The following RAP1GAP2 variants were observed in gnomAD, a reference collection of about 807,000 sequenced individuals.
The protein encoded by RAP1GAP2 is RAP1 GTPase activating protein 2.
Under a neutral mutation model 95.0 loss-of-function variants are expected in RAP1GAP2, and 27 were observed. The ratio of observed to expected loss-of-function variants is 0.28; its 90% CI spans 0.21 to 0.39. RAP1GAP2 has a LOEUF of 0.39. Among genes scored for constraint, RAP1GAP2 ranks in the 10% least tolerant of loss-of-function variants. The probability of loss-of-function intolerance (pLI) is 1.00; values close to 1 mark genes in which losing one functional copy is unlikely to be tolerated. For synonymous variants in RAP1GAP2, 373 were observed against 380.9 expected, an observed-to-expected ratio of 0.98 and a Z score of 0.24; for missense variants, 771 against 970.0, an observed-to-expected ratio of 0.79 and a Z score of 2.72.
Position 3,035,347 on chromosome 17 carries a change from C to T in RAP1GAP2, c.*1986C>T, listed in dbSNP as rs72824845. On this transcript the variant is annotated 3_prime_UTR_variant, in exon 25 of 25. Transcript: ENST00000254695. This position sits in a 1 kb window ranked among gnomAD's most constrained non-coding sequence, Gnocchi z 4.3. ...GATCTGGCTCGCCTCTGTGGGAAGCCGGCATTACAGGTGCTTGGTGGATGG... is the reference window on the plus strand; with the variant it reads ...GATCTGGCTCGCCTCTGTGGGAAGCTGGCATTACAGGTGCTTGGTGGATGG... 0.025 allele frequency: 3,760 copies of T among 152,244 alleles called. 73 individuals are homozygous for T. Among genetic ancestry groups the T allele is most frequent in the Non-Finnish European group, 0.039 (2,665 of 68,048 alleles). 9.4% of individuals were successfully genotyped at this position (152,244 alleles called of 1,614,324 possible).
intron 2 of RAP1GAP2, among the ~76,000 whole-genome samples, chr17:2,831,279 A>G (rs1303086451): frequency 6.7e-6 from 1 of 149,824 alleles, no homozygotes; most frequent in Non-Finnish European, 1.5e-5. Context: ...ATTTCACTAC[A>G]TTGGCCAGGC....
At chr17:2,846,757 G>A (rs2071605794) in intron 2 of RAP1GAP2, among the ~76,000 whole-genome samples, 1 of 152,128 alleles carries the variant, frequency 6.6e-6, no homozygotes, top group Non-Finnish European at 1.5e-5. Flanking sequence ...CGCATGCATA[G>A]TAAAAGCTGG....
intron 2 of RAP1GAP2, chr17:2,770,530 C>T (rs2068369862): frequency 2.5e-6 from 1 of 397,912 alleles, no homozygotes; most frequent in South Asian, 1.3e-4. Flanking sequence ...GAGCTCCGCA[C>T]TGGTCCACAA....
intron 10 of RAP1GAP2, among the ~76,000 whole-genome samples, chr17:2,983,626 A>G (rs576209670): frequency 6.6e-5 from 10 of 152,230 alleles, no homozygotes; most frequent in Non-Finnish European, 1.3e-4. Context: ...GATAATTTAA[A>G]ATAGCTTTAA....
chr17:2,937,073 C>G (rs151338196), intron 3 of RAP1GAP2, among the ~76,000 whole-genome samples: 4 of 152,094 alleles, frequency 2.6e-5, no homozygotes, highest in African/African-American at 7.2e-5. Context: ...ATGTGTAGGA[C>G]GGGAGTACCA....
At chr17:2,776,298 G>C (rs1031350538), upstream of RAP1GAP2, among the ~76,000 whole-genome samples, 1 of 152,216 alleles carries the variant, frequency 6.6e-6, no homozygotes, top group East Asian at 1.9e-4. Flanking sequence ...CAGAGCTAGA[G>C]GGAGCCCCAG....
In RAP1GAP2 at chr17:2,903,660, A is replaced by C. The variant is rs2042097741; in HGVS notation, c.81-1624A>C. Among the ~76,000 whole-genome samples the C allele has an allele frequency of 6.6e-6, 1 of 152,208 alleles. No homozygotes were observed. ...GGAAGGGAGATGGGGAGCAGGAGAC[A>C]GGGATTGCCAGGTTCAGGTTAATGG... On this transcript the variant is annotated intron_variant, in intron 2 of 24. Coordinates refer to ENST00000254695, the MANE Select transcript of RAP1GAP2 (RefSeq NM_015085.5). This position sits in a 1 kb window ranked among gnomAD's most constrained non-coding sequence, Gnocchi z 4.1.
rs542898177 is a variant in RAP1GAP2, at chr17:2,978,561, A to G, written c.597-1726A>G. On this transcript the variant is annotated intron_variant, in intron 8 of 24. Coordinates refer to ENST00000254695, the MANE Select transcript of RAP1GAP2 (RefSeq NM_015085.5). ...TTATTTCTGGAATTTTCCATGTAAT[A>G]TTTTTTTGGCCGTGGTTGACTGCAG... Among the ~76,000 whole-genome samples the G allele has an allele frequency of 6.6e-5, 10 of 152,272 alleles. No individual in the cohort carries two copies. The South Asian group carries it at 1.5e-3, about 22-fold the overall frequency.
chr17:2,755,745 A>G, exon 1 of RAP1GAP2: 1 of 351,154 alleles, frequency 2.8e-6, no homozygotes, highest in Middle Eastern at 7.5e-4. Context: ...GCCGGGGGAG[A>G]AGCGCTGGCA....
chr17:2,943,114 A>T (rs2043566972), intron 3 of RAP1GAP2, among the ~76,000 whole-genome samples: 1 of 151,828 alleles, frequency 6.6e-6, no homozygotes, highest in Non-Finnish European at 1.5e-5. Context: ...CCCTTTAAGC[A>T]GTTACTCCCC....
chr17:2,824,624 T>C (rs1289411021), intron 2 of RAP1GAP2, among the ~76,000 whole-genome samples: 28 of 136,812 alleles, frequency 2.0e-4, no homozygotes, highest in African/African-American at 7.2e-4. Context: ...CCTGTAATCC[T>C]AGCTACTCGG....
chr17:3,009,470 A>C (rs904861252), intron 17 of RAP1GAP2, among the ~76,000 whole-genome samples: 12 of 152,194 alleles, frequency 7.9e-5, no homozygotes, highest in Admixed American at 7.9e-4. Context: ...AAGAGACAGA[A>C]TCATTTGTGG....
chr17:2,836,037 G>C (rs1382996464), intron 2 of RAP1GAP2, among the ~76,000 whole-genome samples: 1 of 151,908 alleles, frequency 6.6e-6, no homozygotes, highest in African/African-American at 2.4e-5. Context: ...GGCACTGGCG[G>C]GGTGTGTTGG....
upstream of RAP1GAP2, among the ~76,000 whole-genome samples, chr17:2,776,468 G>T (rs1429545366): frequency 3.3e-5 from 5 of 152,116 alleles, no homozygotes; most frequent in Admixed American, 1.3e-4. Flanking sequence ...CCGCGCCTTT[G>T]TTCCGGAGGA....
intron 8 of RAP1GAP2, among the ~76,000 whole-genome samples, chr17:2,979,474 T>C (rs1417933116): frequency 7.0e-6 from 1 of 143,880 alleles, no homozygotes; most frequent in African/African-American, 2.6e-5. Flanking sequence ...TTTTTTTTTT[T>C]TTTTTTTTTT....
At chr17:2,961,213 A>C (rs976465976) in intron 4 of RAP1GAP2, among the ~76,000 whole-genome samples, 1 of 130,892 alleles carries the variant, frequency 7.6e-6, no homozygotes, top group African/African-American at 3.1e-5. Flanking sequence ...ATGAAACTCC[A>C]TCTCAAAAAA....
Position 2,889,670 on chromosome 17 carries a change from T to C in RAP1GAP2, c.81-15614T>C, listed in dbSNP as rs182819450. Among the ~76,000 whole-genome samples the C allele has an allele frequency of 4.2e-3, 599 of 142,932 alleles. 2 individuals are homozygous for C. The highest frequency in any genetic ancestry group is 6.6e-3 in the Non-Finnish European group (440 of 66,404). The allele number at this position is 142,932 out of a possible 152,430, so 93.8% of individuals were successfully genotyped here. A position where few individuals can be genotyped will look rare whatever the true frequency, so the allele number is the denominator to read the frequency against. On this transcript the variant is annotated intron_variant, in intron 2 of 24. Transcript: ENST00000254695. ...GGGAGGAGGCAGGAGGTTTGATCGA[T>C]CTGCGCTGGATTTTTTTTTTTTTTT...
chr17:2,950,699 C>A (rs1348186117), intron 3 of RAP1GAP2, among the ~76,000 whole-genome samples: 3 of 150,306 alleles, frequency 2.0e-5, no homozygotes, highest in African/African-American at 7.4e-5. Flanking sequence ...CAACCTCTGC[C>A]TCCAAGGCTC....
At chr17:2,876,045 C>G (rs558882646) in intron 2 of RAP1GAP2, among the ~76,000 whole-genome samples, 1 of 151,804 alleles carries the variant, frequency 6.6e-6, no homozygotes, top group South Asian at 2.1e-4. Flanking sequence ...TCACGCCATT[C>G]TCCTGCCTCA....
Sources: gnomAD v4.1 joint callset for allele counts (sites outside exome capture counted in the v4.1 genomes callset) on GRCh38, gnomAD v4.1.1 for gene constraint, Gnocchi (gnomAD v3.1) non-coding constraint, MANE v1.5 for transcripts, NCBI Gene and HGNC (gene_info 2026-07-23, HGNC 2026-07-21) for gene names.